The following MAN2A1 variants were observed in gnomAD, a reference collection of about 807,000 sequenced individuals.
MAN2A1 encodes alpha-mannosidase 2.
A neutral mutation model predicts 142.6 loss-of-function variants in MAN2A1; 76 were observed. That is an observed-to-expected ratio of 0.53 (90% CI 0.44 to 0.65). The LOEUF (loss-of-function observed/expected upper bound fraction) is 0.65. Among genes scored for constraint, MAN2A1 ranks in the 30% least tolerant of loss-of-function variants. The pLI is 0.00. For synonymous variants in MAN2A1, 559 were observed against 473.2 expected (o/e 1.18, Z -2.35); for missense variants, 1,311 against 1,365.1 (o/e 0.96, Z 0.62).
At chr5:109,728,972 C>T (rs1171068587) in intron 3 of MAN2A1, among the ~76,000 whole-genome samples, 1 of 151,922 alleles carries the variant, frequency 6.6e-6, no homozygotes, top group Non-Finnish European at 1.5e-5. Context: ...ACAGTACTGC[C>T]AACTTGTAAA....
intron 12 of MAN2A1, among the ~76,000 whole-genome samples, chr5:109,810,991 ATTT>A (rs11298846): frequency 1.4e-5 from 2 of 145,654 alleles, no homozygotes; most frequent in Admixed American, 6.8e-5. Context: ...AAGTTTTACT[ATTT>A]TTTTTTTTTT....
chr5:109,780,123 T>C (rs1753414745), intron 8 of MAN2A1, among the ~76,000 whole-genome samples: 1 of 152,160 alleles, frequency 6.6e-6, no homozygotes, highest in Non-Finnish European at 1.5e-5. Context: ...AGTGGCGTGA[T>C]CTCTGCTCAC....
At chr5:109,758,302 T>G (rs1216489193) in intron 5 of MAN2A1, among the ~76,000 whole-genome samples, 10 of 152,130 alleles carry the variant, frequency 6.6e-5, no homozygotes, top group Admixed American at 6.6e-4. Flanking sequence ...TTCATGTGTA[T>G]ATCAGCTGCG....
intron 1 of MAN2A1, among the ~76,000 whole-genome samples, chr5:109,708,577 A>G (rs1052504591): frequency 7.3e-6 from 1 of 136,334 alleles, no homozygotes; most frequent in Non-Finnish European, 1.6e-5. Flanking sequence ...GAATTGGCTT[A>G]TTTGATTATG....
intron 1 of MAN2A1, among the ~76,000 whole-genome samples, chr5:109,695,076 C>T (rs1428847196): frequency 2.6e-5 from 4 of 152,240 alleles, no homozygotes; most frequent in Admixed American, 2.6e-4. Flanking sequence ...ATGGTGTCCT[C>T]TAACTCCTCT....
At chr5:109,792,989 C>A (rs977215263) in intron 12 of MAN2A1, among the ~76,000 whole-genome samples, 1 of 152,036 alleles carries the variant, frequency 6.6e-6, no homozygotes, top group African/African-American at 2.4e-5. Flanking sequence ...ATTTTCATTA[C>A]ATTCTATTGG....
intron 16 of MAN2A1, among the ~76,000 whole-genome samples, chr5:109,831,793 AAAAC>A (rs1406011864): frequency 6.6e-6 from 1 of 151,198 alleles, no homozygotes; most frequent in African/African-American, 2.4e-5. Flanking sequence ...TTACTTCTCT[AAAAC>A]AAAAATCATG....
At position 109,866,852 on chromosome 5, in the gene MAN2A1, G is replaced by A; in HGVS notation, c.3289G>A (p.Val1097Ile). 5.6e-6 allele frequency: 9 copies of A among 1,599,250 alleles called. No homozygotes were observed. The highest frequency in any genetic ancestry group is 7.7e-6 in the Non-Finnish European group (9 of 1,171,226). ...TTTATCATTTACTTTTCAGATATTG[G>A]TACAGAAACTTTTAAACAAGTTTAT... ...FCSTTQGKIL[V>I]QKLLNKFIVE... Residue 1097 changes from valine (V) to isoleucine (I), a missense_variant, in exon 22 of 22, where the codon GTA (valine) becomes ATA (isoleucine). Transcript: ENST00000261483.
chr5:109,799,294 A>G (rs1404932666), intron 12 of MAN2A1, among the ~76,000 whole-genome samples: 2 of 152,110 alleles, frequency 1.3e-5, no homozygotes, highest in African/African-American at 4.8e-5. Flanking sequence ...GTGTGCCTGT[A>G]TTTTTGTCTC....
intron 9 of MAN2A1, among the ~76,000 whole-genome samples, chr5:109,783,235 C>CA (rs375102347): frequency 3.3e-5 from 5 of 152,036 alleles, no homozygotes; most frequent in East Asian, 1.9e-4. Flanking sequence ...TAAAACAAAC[C>CA]AAAAAACCAT....
Position 109,869,422 on chromosome 5 carries a change from A to G in MAN2A1, c.*2424A>G, listed in dbSNP as rs1358757886. The G allele has an allele frequency of 1.3e-5, 2 of 152,208 alleles. No homozygotes were observed. Among genetic ancestry groups the G allele is most frequent in the Non-Finnish European group, 2.9e-5 (2 of 68,042 alleles). The allele number at this position is 152,208 out of a possible 1,614,324, so 9.4% of individuals were successfully genotyped here. On this transcript the variant is annotated 3_prime_UTR_variant, in exon 22 of 22. Transcript: ENST00000261483. ...AATGCTGTAAAATGTGATGTAAAAC[A>G]TTATCATGATCTTCCCATGCCTTTG...
intron 4 of MAN2A1, among the ~76,000 whole-genome samples, chr5:109,753,230 G>T (rs537903296): frequency 6.6e-6 from 1 of 152,284 alleles, no homozygotes; most frequent in African/African-American, 2.4e-5. Flanking sequence ...GAAGCATAAC[G>T]CATAAGGGGC....
intron 21 of MAN2A1, among the ~76,000 whole-genome samples, chr5:109,866,259 C>T (rs1052280982): frequency 6.7e-6 from 1 of 150,124 alleles, no homozygotes; most frequent in East Asian, 2.0e-4. Context: ...GGGGGTTATA[C>T]GATCCAGAGA....
intron 4 of MAN2A1, among the ~76,000 whole-genome samples, chr5:109,731,159 G>C (rs1751894368): frequency 6.6e-6 from 1 of 151,814 alleles, no homozygotes; most frequent in Admixed American, 6.6e-5. Flanking sequence ...TATATAATCA[G>C]ATCAGGGTCA....
At chr5:109,821,748 C>T (rs1754628640) in intron 15 of MAN2A1, among the ~76,000 whole-genome samples, 1 of 151,876 alleles carries the variant, frequency 6.6e-6, no homozygotes, top group Non-Finnish European at 1.5e-5. Context: ...GACTGTTTTT[C>T]TGTTGGTGTG....
intron 4 of MAN2A1, among the ~76,000 whole-genome samples, chr5:109,752,998 T>C (rs1301140234): frequency 2.0e-5 from 3 of 152,240 alleles, no homozygotes; most frequent in Non-Finnish European, 4.4e-5. Context: ...AAAAAAGTTC[T>C]ATCATTGGAG....
At chr5:109,748,304 A>G (rs1045425175) in intron 4 of MAN2A1, among the ~76,000 whole-genome samples, 1 of 151,946 alleles carries the variant, frequency 6.6e-6, no homozygotes, top group Non-Finnish European at 1.5e-5. Flanking sequence ...TGGCATCTTA[A>G]TGAAGTTTTA....
At chr5:109,846,122 G>A (rs72814826) in intron 18 of MAN2A1, 116 bp downstream of exon 18, 9,576 of 928,086 alleles carry the variant, frequency 0.01, 73 homozygotes, top group Non-Finnish European at 0.012. Flanking sequence ...CTTCTTTTCA[G>A]CTTTTTTCTT....
At position 109,732,024 on chromosome 5, in the gene MAN2A1, T is replaced by C. The variant is rs541740124; in HGVS notation, c.707+2511T>C. 4.3e-4 allele frequency among the ~76,000 whole-genome samples: 66 copies of C among 152,132 alleles called. No homozygotes were observed. The South Asian group carries it at 0.013, about 31-fold the overall frequency. On this transcript the variant is annotated intron_variant, in intron 4 of 21. Coordinates refer to ENST00000261483, the MANE Select transcript of MAN2A1 (RefSeq NM_002372.4). Reference sequence around the variant, plus strand: ...TTCTCCACATCCTCTCCAGCACCTGTTGTTTCCTGACTTTTTAATGATTGC... The same window carrying C: ...TTCTCCACATCCTCTCCAGCACCTGCTGTTTCCTGACTTTTTAATGATTGC...
Sources: allele counts gnomAD v4.1 joint callset (sites outside exome capture counted in the v4.1 genomes callset), GRCh38; gene constraint gnomAD v4.1.1; transcripts MANE v1.5; gene names NCBI Gene and HGNC (gene_info 2026-07-23, HGNC 2026-07-21).